ATP10B: variants seen among roughly 807,000 people sequenced by gnomAD.
ATP10B encodes the protein phospholipid-transporting ATPase VB.
ATP10B carries 122 observed loss-of-function variants against 141.2 expected under a neutral mutation model. That is an observed-to-expected ratio of 0.86 (90% confidence interval 0.75 to 1.00). The LOEUF is 1.00. Among genes scored for constraint, ATP10B ranks in the 50% least tolerant of loss-of-function variants. The probability of loss-of-function intolerance (pLI) is 0.00; values close to 1 mark genes in which losing one functional copy is unlikely to be tolerated. For missense variants in ATP10B, 1,876 were observed against 1,825.3 expected, an observed-to-expected ratio of 1.03 and a Z score of -0.51; for synonymous variants, 685 against 692.0, an observed-to-expected ratio of 0.99 and a Z score of 0.16.
upstream of ATP10B, among the ~76,000 whole-genome samples, chr5:160,856,637 TATTGTATGTAGATGATTTGA>T (rs1754006287): frequency 6.6e-6 from 1 of 151,818 alleles, no homozygotes; most frequent in South Asian, 2.1e-4. Flanking sequence ...GTTAGCTGTA[TATTGTATGTAGATGATTTGA>T]GTTGTATGTA....
At chr5:160,636,453 G>C in intron 10 of ATP10B, 144 bp from the exon 11 acceptor site, 1 of 781,274 alleles carries the variant, frequency 1.3e-6, no homozygotes, top group Non-Finnish European at 2.0e-6. Flanking sequence ...CTCTGTGTGT[G>C]TGTGTGTTTG....
At chr5:160,831,628 A>G (rs1243163360) in intron 1 of ATP10B, among the ~76,000 whole-genome samples, 1 of 152,098 alleles carries the variant, frequency 6.6e-6, no homozygotes, top group African/African-American at 2.4e-5. Flanking sequence ...AAACAATTCT[A>G]ACAAGCATGA....
chr5:160,612,623 T>G lies in ATP10B; in HGVS notation c.2838+118A>C, dbSNP rs79274000. 3,042 of 787,726 alleles carry G rather than the reference T, an allele frequency of 3.9e-3. 70 individuals are homozygous for G. The African/African-American group carries it at 0.049, about 13-fold the overall frequency. The allele number at this position is 787,726 out of a possible 1,614,324, so 48.8% of individuals were successfully genotyped here. A position where few individuals can be genotyped will look rare whatever the true frequency, so the allele number is the denominator to read the frequency against. On this transcript the variant is annotated intron_variant, in intron 18 of 25. Transcript: ENST00000327245. ...TAGACTCCAAGATTCAGTGATCTGT[T>G]GGGGGTTGGGTGCTTCCCTGGTGTA...
chr5:160,919,283 G>T, the ATP10B span, among the ~76,000 whole-genome samples: 1 of 145,476 alleles, frequency 6.9e-6, no homozygotes, highest in Non-Finnish European at 1.5e-5. Context: ...CCCTTGCATG[G>T]CATCCCTGTA....
At chr5:160,872,776 G>A in the ATP10B span, among the ~76,000 whole-genome samples, 1,998 of 152,084 alleles carry the variant, frequency 0.013, 19 homozygotes, top group African/African-American at 0.026. Flanking sequence ...TGGTGACTAC[G>A]GCCTTAGAGT....
At chr5:160,816,291 T>C (rs1773619602) in intron 1 of ATP10B, among the ~76,000 whole-genome samples, 1 of 150,644 alleles carries the variant, frequency 6.6e-6, no homozygotes, top group African/African-American at 2.4e-5. Flanking sequence ...AAGAATCAAA[T>C]AGACACAATA....
the ATP10B span, among the ~76,000 whole-genome samples, chr5:160,874,489 A>G: frequency 1.3e-5 from 2 of 152,188 alleles, no homozygotes; most frequent in Non-Finnish European, 2.9e-5. Context: ...CTCCTCCTCC[A>G]AAGGAACACA....
chr5:160,795,330 A>G (rs893229052), intron 1 of ATP10B, among the ~76,000 whole-genome samples: 4 of 152,204 alleles, frequency 2.6e-5, no homozygotes, highest in East Asian at 1.9e-4. Flanking sequence ...GCATATGGGT[A>G]AAACCATTGA....
chr5:160,687,854 GT>G lies in ATP10B; in HGVS notation c.220del (p.Thr74ProfsTer29), dbSNP rs778504473. ...RRYPGNRTCT[T>X]KYTLFTFLPR... ...CAGGAAGGTGAAGAGGGTGTATTTGGTTGTGCAGGTTCTGTTGCCAGGGTAT... is the reference window on the plus strand; with the variant it reads ...CAGGAAGGTGAAGAGGGTGTATTTGGTGTGCAGGTTCTGTTGCCAGGGTAT... On this transcript the variant is annotated frameshift_variant, in exon 5 of 26. Transcript: ENST00000327245. LOFTEE classifies it high-confidence loss of function. 6.2e-7 allele frequency: 1 copy of G among 1,614,124 alleles called. No homozygotes were observed. The highest frequency in any genetic ancestry group is 8.5e-7 in the Non-Finnish European group (1 of 1,180,014).
intron 2 of ATP10B, among the ~76,000 whole-genome samples, chr5:160,739,401 A>G (rs1287707150): frequency 6.6e-6 from 1 of 152,266 alleles, no homozygotes; most frequent in East Asian, 1.9e-4. Context: ...TTACTTGCAT[A>G]CAACATGATA....
intron 1 of ATP10B, among the ~76,000 whole-genome samples, chr5:160,820,741 G>T (rs879335938): frequency 6.6e-6 from 1 of 152,094 alleles, no homozygotes; most frequent in Non-Finnish European, 1.5e-5. Context: ...TTCAACATAT[G>T]CAAATCAATC....
At chr5:160,761,188 G>C (rs1023870673) in intron 2 of ATP10B, among the ~76,000 whole-genome samples, 1 of 152,172 alleles carries the variant, frequency 6.6e-6, no homozygotes, top group Non-Finnish European at 1.5e-5. Context: ...TGGCTAACCA[G>C]AGGTCCTGAG....
intron 25 of ATP10B, among the ~76,000 whole-genome samples, chr5:160,566,590 C>T (rs1044587507): frequency 4.1e-5 from 6 of 147,424 alleles, no homozygotes; most frequent in Non-Finnish European, 9.2e-5. Flanking sequence ...GATTTTATCC[C>T]CCTGCCAAGC....
At chr5:160,684,008 C>G (rs1763587854) in intron 6 of ATP10B, among the ~76,000 whole-genome samples, 1 of 152,142 alleles carries the variant, frequency 6.6e-6, no homozygotes, top group African/African-American at 2.4e-5. Context: ...ATCAGATAGT[C>G]CAGTCATCCT....
intron 1 of ATP10B, among the ~76,000 whole-genome samples, chr5:160,797,233 G>C (rs539628346): frequency 8.5e-4 from 129 of 152,266 alleles, no homozygotes; most frequent in African/African-American, 2.9e-3. Flanking sequence ...TGGCTCCACT[G>C]TGTCCGGCCC....
intron 1 of ATP10B, among the ~76,000 whole-genome samples, chr5:160,835,793 A>G (rs1775388750): frequency 6.6e-6 from 1 of 152,156 alleles, no homozygotes; most frequent in African/African-American, 2.4e-5. Flanking sequence ...GAAATATACA[A>G]AAACAGCAGG....
In ATP10B at chr5:160,762,963, C is replaced by T. The variant is rs949131999; in HGVS notation, c.-331+22596G>A. On this transcript the variant is annotated intron_variant, in intron 2 of 25. Coordinates refer to ENST00000327245, the MANE Select transcript of ATP10B (RefSeq NM_025153.3). Reference sequence around the variant, plus strand: ...TCAAAGAAACAACAGCTAAAAAAGGCAAAGAGGGACATTATATAATGATAA... The same window carrying T: ...TCAAAGAAACAACAGCTAAAAAAGGTAAAGAGGGACATTATATAATGATAA... Among the ~76,000 whole-genome samples, 21 of 152,012 alleles carry T rather than the reference C, an allele frequency of 1.4e-4. No homozygotes were observed. In the East Asian group the frequency reaches 3.5e-3, roughly 25 times the overall value.
intron 6 of ATP10B, among the ~76,000 whole-genome samples, chr5:160,679,842 T>C (rs1763265601): frequency 6.6e-6 from 1 of 152,226 alleles, no homozygotes; most frequent in Admixed American, 6.5e-5. Flanking sequence ...ACTGCATGTT[T>C]TCTGAATACA....
chr5:160,822,989 CATATAT>C (rs773879988), intron 1 of ATP10B, among the ~76,000 whole-genome samples: 5 of 69,706 alleles, frequency 7.2e-5, no homozygotes, highest in South Asian at 4.5e-4. Context: ...ATTACATATA[CATATAT>C]ATATACATAT....
Sources: gnomAD v4.1 joint callset for allele counts (sites outside exome capture counted in the v4.1 genomes callset) on GRCh38, gnomAD v4.1.1 for gene constraint, MANE v1.5 for transcripts, NCBI Gene and HGNC (gene_info 2026-07-23, HGNC 2026-07-21) for gene names.